The following THSD7B variants were observed in gnomAD, a reference collection of about 807,000 sequenced individuals.
THSD7B encodes the protein thrombospondin type-1 domain-containing protein 7B.
In THSD7B, 138 loss-of-function variants were observed where a neutral mutation model predicts 213.6. The ratio of observed to expected loss-of-function variants is 0.65; its 90% confidence interval spans 0.56 to 0.74. The LOEUF is 0.74. Ranked by LOEUF, THSD7B falls within the 30% of genes least tolerant of loss-of-function variation. The probability of loss-of-function intolerance (pLI) is 0.00; values close to 1 mark genes in which losing one functional copy is unlikely to be tolerated. For missense variants in THSD7B, 1,931 were observed against 1,991.5 expected (o/e 0.97, Z 0.58); for synonymous variants, 742 against 687.0 (o/e 1.08, Z -1.25).
intron 15 of THSD7B, among the ~76,000 whole-genome samples, chr2:137,539,573 G>C (rs937870245): frequency 6.6e-6 from 1 of 151,532 alleles, no homozygotes; most frequent in Non-Finnish European, 1.5e-5. Flanking sequence ...TTCACATTCT[G>C]GTCATGTGCA....
chr2:137,523,259 T>C (rs1319802210), intron 15 of THSD7B, among the ~76,000 whole-genome samples: 1 of 152,204 alleles, frequency 6.6e-6, no homozygotes, highest in Admixed American at 6.5e-5. Flanking sequence ...TCTTCAGATG[T>C]TTTTCCTGTG....
At chr2:136,958,633 A>T (rs1382810463) in intron 2 of THSD7B, among the ~76,000 whole-genome samples, 1 of 152,216 alleles carries the variant, frequency 6.6e-6, no homozygotes, top group Non-Finnish European at 1.5e-5. Flanking sequence ...GGAAGTTTAC[A>T]TTAGAGAAAG....
chr2:137,186,560 A>C (rs1022563968), intron 7 of THSD7B, among the ~76,000 whole-genome samples: 9 of 151,790 alleles, frequency 5.9e-5, no homozygotes, highest in African/African-American at 2.2e-4. Context: ...GTTTTGTTCC[A>C]TTGATCTTTT....
chr2:136,964,110 C>A (rs1226509099), intron 2 of THSD7B, among the ~76,000 whole-genome samples: 1 of 152,212 alleles, frequency 6.6e-6, no homozygotes, highest in Non-Finnish European at 1.5e-5. Context: ...GGGATTCCCA[C>A]AGGAACAAGA....
At chr2:137,250,831 G>A (rs116525386) in intron 10 of THSD7B, among the ~76,000 whole-genome samples, 1,542 of 152,242 alleles carry the variant, frequency 0.01, 12 homozygotes, top group Middle Eastern at 0.017. Context: ...CTGCCTGAAT[G>A]TCTCCCTTCA....
chr2:137,398,985 T>A (rs1352134240), intron 12 of THSD7B, among the ~76,000 whole-genome samples: 6 of 152,174 alleles, frequency 3.9e-5, no homozygotes, highest in African/African-American at 9.6e-5. Flanking sequence ...TGACCCCTTG[T>A]GCTTCCCAAG....
intron 2 of THSD7B, among the ~76,000 whole-genome samples, chr2:137,016,526 T>G (rs546259402): frequency 6.6e-5 from 10 of 152,314 alleles, no homozygotes; most frequent in Non-Finnish European, 1.3e-4. Context: ...GCACATGTCT[T>G]TCTGGGAAAA....
intron 7 of THSD7B, among the ~76,000 whole-genome samples, chr2:137,186,100 A>C (rs60528102): frequency 0.48 from 73,194 of 151,826 alleles, 19,695 homozygotes; most frequent in East Asian, 0.87. Context: ...TTGCTTGTTG[A>C]TTTAAGTTCC....
chr2:136,904,729 G>A lies in THSD7B; in HGVS notation c.139+22412G>A, dbSNP rs534297748. Among the ~76,000 whole-genome samples, 44 of 152,220 alleles carry A rather than the reference G, an allele frequency of 2.9e-4. 1 individual carries two copies. The highest frequency in any genetic ancestry group is 7.2e-4 in the Admixed American group (11 of 15,300). ...AGATCCCAAGGAACCTTCAATGATT[G>A]GCCCTGGGGTCTTACTGGGAGATAA... On this transcript the variant is annotated intron_variant, in intron 2 of 27. Coordinates refer to ENST00000409968, the MANE Select transcript of THSD7B (RefSeq NM_001316349.2).
At chr2:137,468,404 A>C (rs1330458427) in intron 15 of THSD7B, among the ~76,000 whole-genome samples, 1 of 151,960 alleles carries the variant, frequency 6.6e-6, no homozygotes, top group Non-Finnish European at 1.5e-5. Flanking sequence ...GTACATACCC[A>C]TCTAGTTATT....
intron 14 of THSD7B, among the ~76,000 whole-genome samples, chr2:137,449,426 C>T (rs1051513204): frequency 6.6e-6 from 1 of 152,196 alleles, no homozygotes; most frequent in Non-Finnish European, 1.5e-5. Flanking sequence ...TCACAGTTTG[C>T]ATGGGGCAGA....
At chr2:137,043,668 A>G (rs987235556) in intron 2 of THSD7B, among the ~76,000 whole-genome samples, 2 of 152,156 alleles carry the variant, frequency 1.3e-5, no homozygotes, top group African/African-American at 4.8e-5. Context: ...TGGCCTAGGA[A>G]GCTTGCACAC....
chr2:137,114,681 T>A (rs1394806926), intron 4 of THSD7B, among the ~76,000 whole-genome samples: 2 of 152,200 alleles, frequency 1.3e-5, no homozygotes, highest in Non-Finnish European at 1.5e-5. Context: ...TAAAATAATA[T>A]ATTTACGACT....
chr2:137,209,208 A>T (rs1681047928), intron 7 of THSD7B, among the ~76,000 whole-genome samples: 4 of 152,048 alleles, frequency 2.6e-5, no homozygotes, highest in African/African-American at 9.7e-5. Flanking sequence ...AGGTGGTTTC[A>T]ATTGCTCCTT....
At chr2:137,457,158 C>T (rs1292935340) in intron 15 of THSD7B, among the ~76,000 whole-genome samples, 1 of 152,200 alleles carries the variant, frequency 6.6e-6, no homozygotes, top group African/African-American at 2.4e-5. Context: ...ACTACCCCCT[C>T]AGGCTTGTTA....
chr2:136,990,483 G>A (rs930484304), intron 2 of THSD7B, among the ~76,000 whole-genome samples: 2 of 152,292 alleles, frequency 1.3e-5, no homozygotes, highest in African/African-American at 4.8e-5. Context: ...GAACTGTAGG[G>A]GGGGGACCAT....
At chr2:137,217,232 C>G (rs897483034) in intron 7 of THSD7B, among the ~76,000 whole-genome samples, 5 of 152,122 alleles carry the variant, frequency 3.3e-5, no homozygotes, top group Non-Finnish European at 7.3e-5. Flanking sequence ...TTTTCATATG[C>G]CCATTATTTT....
At chr2:137,163,934 CT>C (rs1386363243) in intron 6 of THSD7B, among the ~76,000 whole-genome samples, 1 of 152,158 alleles carries the variant, frequency 6.6e-6, no homozygotes, top group Non-Finnish European at 1.5e-5. Flanking sequence ...AAACCCTAAG[CT>C]TCCTTAGTTG....
chr2:137,573,286 T>A (rs1247592502), intron 17 of THSD7B, among the ~76,000 whole-genome samples: 1 of 152,040 alleles, frequency 6.6e-6, no homozygotes. Context: ...ATTCAAACAT[T>A]AGAAAGGAAA....
Sources: gnomAD v4.1 joint callset for allele counts (sites outside exome capture counted in the v4.1 genomes callset) on GRCh38, gnomAD v4.1.1 for gene constraint, MANE v1.5 for transcripts, NCBI Gene and HGNC (gene_info 2026-07-23, HGNC 2026-07-21) for gene names.